Variants in VPS16 observed in about 807,000 individuals in gnomAD.
VPS16 encodes vacuolar protein sorting-associated protein 16 homolog.
In VPS16, 82 loss-of-function variants were observed where a neutral mutation model predicts 116.0. The observed-to-expected ratio is 0.71, with a 90% CI of 0.59 to 0.85. The LOEUF is 0.85. VPS16 is among the 40% of genes least tolerant of loss of function. VPS16 has a pLI of 0.00. For missense variants in VPS16, 928 were observed against 1,090.6 expected (o/e 0.85, Z 2.10); for synonymous variants, 406 against 420.7 (o/e 0.96, Z 0.43).
In VPS16 at chr20:2,864,314, G is replaced by A. The variant is rs1443743674; in HGVS notation, c.1720+27G>A. On this transcript the variant is annotated intron_variant, in intron 17 of 23. Transcript: ENST00000380445. This position sits in a 1 kb window ranked among gnomAD's most constrained non-coding sequence, Gnocchi z 5.2. ...TGAGGGCAAGGCTGGGGGGCCCCTG[G>A]GCTAAGTGGGAGCCTGGCTGGAATT... 6.2e-7 allele frequency: 1 copy of A among 1,613,806 alleles called. No individual in the cohort carries two copies. Among genetic ancestry groups the A allele is most frequent in the Admixed American group, 1.7e-5 (1 of 59,980 alleles).
intron 1 of VPS16, among the ~76,000 whole-genome samples, chr20:2,842,258 A>G (rs940343064): frequency 2.8e-4 from 42 of 152,040 alleles, no homozygotes; most frequent in African/African-American, 1.0e-3. Context: ...CCGATGTTAG[A>G]ACCTGTGAAT....
chr20:2,848,941 G>C (rs2146648507), intron 1 of VPS16, among the ~76,000 whole-genome samples: 1 of 152,264 alleles, frequency 6.6e-6, no homozygotes. Flanking sequence ...GCCATATTGG[G>C]GTCACGTATT....
In VPS16 at chr20:2,863,906, G is replaced by A; in HGVS notation, c.1477-43G>A. ...AAGGGCTTGCAGGAGTGGAGAGTGA[G>A]GAATGGCATCCAGATGTTTGTGACA... On this transcript the variant is annotated intron_variant, in intron 15 of 23. Coordinates refer to ENST00000380445, the MANE Select transcript of VPS16 (RefSeq NM_022575.4). This position sits in a 1 kb window ranked among gnomAD's most constrained non-coding sequence, Gnocchi z 4.4. 1 of 1,601,020 alleles carries A rather than the reference G, an allele frequency of 6.2e-7. No individual in the cohort carries two copies.
At chr20:2,849,962 T>G (rs1462597362) in intron 1 of VPS16, among the ~76,000 whole-genome samples, 2 of 152,194 alleles carry the variant, frequency 1.3e-5, no homozygotes, top group Non-Finnish European at 2.9e-5. Context: ...TCTGGGACTA[T>G]TCCTTCTATA....
In VPS16 at chr20:2,864,666, ATGGGGCGTG is replaced by A. The variant is rs542749291; in HGVS notation, c.1926+28_1926+36del. 5,716 of 1,613,248 alleles carry A rather than the reference ATGGGGCGTG, an allele frequency of 3.5e-3. 22 individuals are homozygous for A. The highest frequency in any genetic ancestry group is 3.7e-3 in the Non-Finnish European group (4,343 of 1,179,694). ...ATGCTGCAGAAGAGGTCTGAGATCC[ATGGGGCGTG>A]TGGGGCGTGTGGGGCATGTGGGCTG... On this transcript the variant is annotated intron_variant, in intron 19 of 23. Transcript: ENST00000380445. The surrounding 1 kb of genome is among the most constrained non-coding windows in gnomAD (Gnocchi z 5.2).
chr20:2,851,658 G>A (rs1276552838), intron 1 of VPS16, among the ~76,000 whole-genome samples: 5 of 141,124 alleles, frequency 3.5e-5, no homozygotes, highest in East Asian at 2.2e-4. Context: ...GCAAAACTCC[G>A]TCTCAAAAAA....
intron 1 of VPS16, among the ~76,000 whole-genome samples, chr20:2,857,841 G>A (rs1568626043): frequency 6.6e-6 from 1 of 151,986 alleles, no homozygotes; most frequent in Non-Finnish European, 1.5e-5. Context: ...CTCCCGAGTA[G>A]CTGGGATTAC....
In VPS16 at chr20:2,865,562, G is replaced by T; in HGVS notation, c.2271+67G>T. ...AGTCTTCGGGAGAGAGGGCTAGGCA[G>T]GGAGACAGATAGGATGGCCCGTTCA... On this transcript the variant is annotated intron_variant, in intron 22 of 23. Transcript: ENST00000380445. This position sits in a 1 kb window ranked among gnomAD's most constrained non-coding sequence, Gnocchi z 5.2. 1 of 1,464,344 alleles carries T rather than the reference G, an allele frequency of 6.8e-7. No individual in the cohort carries two copies. Among genetic ancestry groups the T allele is most frequent in the South Asian group, 1.3e-5 (1 of 79,928 alleles). The allele number at this position is 1,464,344 out of a possible 1,614,324, so 90.7% of individuals were successfully genotyped here. A position where few individuals can be genotyped will look rare whatever the true frequency, so the allele number is the denominator to read the frequency against.
Position 2,855,034 on chromosome 20 carries a change from C to T in VPS16, c.54-4685C>T, listed in dbSNP as rs1401403645. On this transcript the variant is annotated intron_variant, in intron 1 of 23. Transcript: ENST00000380445. The stretch of plus-strand genomic sequence containing the variant: ...GGAGTGCAGTGGTGCAATCTCGGCT[C>T]ACCGCAACCTCCGCCTCCTGGGTTC... 1.8e-4 allele frequency among the ~76,000 whole-genome samples: 25 copies of T among 138,634 alleles called. No homozygotes were observed. In the Admixed American group the frequency reaches 2.0e-3, roughly 11 times the overall value. The allele number at this position is 138,634 out of a possible 152,430, so 90.9% of individuals were successfully genotyped here.
intron 1 of VPS16, among the ~76,000 whole-genome samples, chr20:2,853,180 C>T (rs905333317): frequency 2.0e-5 from 3 of 152,098 alleles, no homozygotes; most frequent in African/African-American, 7.2e-5. Context: ...CACTTGAGGC[C>T]AGGAGTTCAA....
intron 1 of VPS16, among the ~76,000 whole-genome samples, chr20:2,843,287 C>T (rs1041979285): frequency 1.3e-5 from 2 of 152,080 alleles, no homozygotes; most frequent in Non-Finnish European, 2.9e-5. Flanking sequence ...CAAAAATTTG[C>T]CGGGCGTGGT....
intron 8 of VPS16, 121 bp downstream of exon 8, chr20:2,861,401 C>T: frequency 1.3e-6 from 2 of 1,494,216 alleles, no homozygotes; most frequent in Admixed American, 1.8e-5. Flanking sequence ...ATCTTACCTT[C>T]TCTGCCATTG....
intron 1 of VPS16, among the ~76,000 whole-genome samples, chr20:2,856,214 C>T (rs1331503245): frequency 1.3e-5 from 2 of 151,988 alleles, no homozygotes; most frequent in Non-Finnish European, 2.9e-5. Flanking sequence ...GAGAGAGAGA[C>T]GATCGGGGAA....
Position 2,860,240 on chromosome 20 carries a change from G to A in VPS16, c.242G>A (p.Trp81Ter). Residue 81 changes from tryptophan (W) to a stop codon, truncating the protein, a stop_gained and splice_region_variant, in exon 4 of 24, where the codon TGG (tryptophan) becomes TAG (stop). Transcript: ENST00000380445. LOFTEE classifies it high-confidence loss of function. This position sits in a 1 kb window ranked among gnomAD's most constrained non-coding sequence, Gnocchi z 6.1. ...ASGMPLASLLWKSGPVVSLGW... is the reference protein window; with the variant it reads ...ASGMPLASLL ...CTTAGGAACCTCTCTCCCCTGCAGT[G>A]GAAGAGTGGACCCGTGGTGTCCCTG... 6.2e-7 allele frequency: 1 copy of A among 1,614,074 alleles called. No individual in the cohort carries two copies. The highest frequency in any genetic ancestry group is 8.5e-7 in the Non-Finnish European group (1 of 1,180,000).
intron 1 of VPS16, among the ~76,000 whole-genome samples, chr20:2,850,129 C>T: frequency 6.6e-6 from 1 of 152,106 alleles, no homozygotes; most frequent in Admixed American, 6.5e-5. Context: ...CGAGACCAGC[C>T]TGGCCAACAT....
chr20:2,861,967 C>T (rs539079052), intron 10 of VPS16, 68 bp downstream of exon 10: 497 of 1,603,758 alleles, frequency 3.1e-4, no homozygotes, highest in Admixed American at 7.3e-4. Context: ...CTGCCCTGGG[C>T]CAGTGCCACA....
chr20:2,857,638 T>C (rs2089186258), intron 1 of VPS16, among the ~76,000 whole-genome samples: 1 of 152,056 alleles, frequency 6.6e-6, no homozygotes, highest in Non-Finnish European at 1.5e-5. Context: ...GCCTTCTGAG[T>C]AGCTGGGATT....
chr20:2,844,347 G>A (rs2089038236), intron 1 of VPS16, among the ~76,000 whole-genome samples: 1 of 152,220 alleles, frequency 6.6e-6, no homozygotes, highest in Non-Finnish European at 1.5e-5. Flanking sequence ...GGATTCTTTT[G>A]TATTGGGAGT....
In VPS16 at chr20:2,860,191, A is replaced by G. The variant is rs1228387757; in HGVS notation, c.240+40A>G. On this transcript the variant is annotated intron_variant, in intron 3 of 23. Coordinates refer to ENST00000380445, the MANE Select transcript of VPS16 (RefSeq NM_022575.4). This position sits in a 1 kb window ranked among gnomAD's most constrained non-coding sequence, Gnocchi z 6.1. ...TGGTCCCTGGGGCTCAGGGCTGGAC[A>G]GGGTTTCCTCACCTGAGGACAGCCT... The G allele has an allele frequency of 9.9e-6, 16 of 1,613,934 alleles. No individual in the cohort carries two copies. Among genetic ancestry groups the G allele is most frequent in the Non-Finnish European group, 1.4e-5 (16 of 1,179,988 alleles).
Sources: gnomAD v4.1 joint callset for allele counts (sites outside exome capture counted in the v4.1 genomes callset) on GRCh38, gnomAD v4.1.1 for gene constraint, Gnocchi (gnomAD v3.1) non-coding constraint, MANE v1.5 for transcripts, NCBI Gene and HGNC (gene_info 2026-07-23, HGNC 2026-07-21) for gene names.